The following PINX1 variants were observed in gnomAD, a reference collection of about 807,000 sequenced individuals.
The protein encoded by PINX1 is PIN2 (TERF1) interacting telomerase inhibitor 1.
In PINX1, 34 loss-of-function variants were observed where a neutral mutation model predicts 25.4. That is an observed-to-expected ratio of 1.34 (90% CI 1.02 to 1.78). PINX1 has a LOEUF of 1.78. Ranked by LOEUF, PINX1 falls within the 40% of genes most tolerant of loss-of-function variation. PINX1 has a pLI of 0.00. For missense variants in PINX1, 592 were observed against 404.9 expected (o/e 1.46, Z -3.97); for synonymous variants, 197 against 147.7 (o/e 1.33, Z -2.42).
chr8:10,831,021 A>G (rs774945602), intron 4 of PINX1, among the ~76,000 whole-genome samples: 1 of 152,240 alleles, frequency 6.6e-6, no homozygotes, highest in Non-Finnish European at 1.5e-5. Flanking sequence ...CACTATTCAC[A>G]ACAGCCAAGA....
chr8:10,766,060 A>G (rs997445181), intron 6 of PINX1, 144 bp from the exon 7 acceptor site: 5 of 765,318 alleles, frequency 6.5e-6, no homozygotes, highest in South Asian at 1.7e-5. Context: ...CACTTAGGAG[A>G]CAAGGCTGAG....
At position 10,813,904 on chromosome 8, in the gene PINX1, TG is replaced by T. The variant is rs1450192135; in HGVS notation, c.471+6288del. On this transcript the variant is annotated intron_variant, in intron 6 of 6. Transcript: ENST00000314787. Reference sequence around the variant, plus strand: ...TGGGAAGGTGGGGGAGGGAAAAAAATGAGAGAGGAAAAAAAAAAAGAGTAGC... The same window carrying T: ...TGGGAAGGTGGGGGAGGGAAAAAAATAGAGAGGAAAAAAAAAAAGAGTAGC... 1.7e-3 allele frequency among the ~76,000 whole-genome samples: 229 copies of T among 138,452 alleles called. 4 individuals carry two copies. Among genetic ancestry groups the T allele is most frequent in the Non-Finnish European group, 5.7e-4 (36 of 63,180 alleles). 90.8% of individuals were successfully genotyped at this position (138,452 alleles called of 152,430 possible).
chr8:10,805,431 A>C (rs751286830), intron 6 of PINX1, among the ~76,000 whole-genome samples: 1 of 152,134 alleles, frequency 6.6e-6, no homozygotes, highest in Non-Finnish European at 1.5e-5. Context: ...CTTAACTTGC[A>C]GGAAGAAGCC....
chr8:10,782,227 G>C (rs1192695603), intron 6 of PINX1, among the ~76,000 whole-genome samples: 1 of 151,836 alleles, frequency 6.6e-6, no homozygotes, highest in Non-Finnish European at 1.5e-5. Flanking sequence ...AGGTGTGTAG[G>C]TCCCCACACT....
At chr8:10,826,124 T>C in intron 5 of PINX1, 28 bp downstream of exon 5, 3 of 1,270,738 alleles carry the variant, frequency 2.4e-6, no homozygotes, top group South Asian at 1.3e-5. Context: ...TAGATTTCAA[T>C]AACAAGTAAA....
intron 6 of PINX1, among the ~76,000 whole-genome samples, chr8:10,817,259 T>A (rs529673313): frequency 1.3e-5 from 2 of 152,214 alleles, no homozygotes; most frequent in Non-Finnish European, 2.9e-5. Context: ...GCCTCTGCAA[T>A]GCCAAATATA....
chr8:10,815,743 A>G (rs1164732338), intron 6 of PINX1, among the ~76,000 whole-genome samples: 1 of 152,240 alleles, frequency 6.6e-6, no homozygotes, highest in Non-Finnish European at 1.5e-5. Context: ...TTGTACTTAC[A>G]TATCACTTCA....
intron 1 of PINX1, among the ~76,000 whole-genome samples, chr8:10,837,880 TCCGTAC>T (rs1386038808): frequency 8.5e-5 from 13 of 152,344 alleles, no homozygotes; most frequent in Non-Finnish European, 1.5e-5. Flanking sequence ...TGAGGAGGCC[TCCGTAC>T]TTGAGTCCTT....
At chr8:10,773,714 G>T (rs1373223909) in intron 6 of PINX1, among the ~76,000 whole-genome samples, 1 of 152,128 alleles carries the variant, frequency 6.6e-6, no homozygotes, top group Non-Finnish European at 1.5e-5. Flanking sequence ...ATTAGGAAAA[G>T]CCGACATAAA....
At chr8:10,820,507 G>A (rs755935004) in intron 5 of PINX1, among the ~76,000 whole-genome samples, 1 of 152,156 alleles carries the variant, frequency 6.6e-6, no homozygotes, top group Admixed American at 6.5e-5. Context: ...TCTCTTAATT[G>A]TAGAAACAAC....
intron 2 of PINX1, among the ~76,000 whole-genome samples, chr8:10,834,059 G>T (rs992550844): frequency 1.3e-5 from 2 of 152,236 alleles, no homozygotes. Context: ...TCAAAGTGTG[G>T]CAAGGGAATG....
chr8:10,801,280 T>C (rs73208758), intron 6 of PINX1, among the ~76,000 whole-genome samples: 21,676 of 152,236 alleles, frequency 0.14, 1,861 homozygotes, highest in Non-Finnish European at 0.19. Flanking sequence ...CCCTCCCATA[T>C]GCTAAAGGAG....
At chr8:10,780,205 T>A (rs1302768287) in intron 6 of PINX1, among the ~76,000 whole-genome samples, 1 of 152,344 alleles carries the variant, frequency 6.6e-6, no homozygotes, top group African/African-American at 2.4e-5. Context: ...AGATCTTTTA[T>A]TTCTTTTTCT....
rs1300936090 is a variant in PINX1 at position 10,765,590 on chromosome 8, C to A, written c.798G>T (p.Trp266Cys). Residue 266 changes from tryptophan to cysteine, a missense_variant, in exon 7 of 7, where the codon TGG becomes TGT. By Grantham distance (215) the Trp-to-Cys change is radical. Transcript: ENST00000314787. ...GAGCAGAGGCCTTGGAACTCTGGTC[C>A]CAGCAGGGGCCTCTGAGCTGCTCTT... ...PAEEQLRGPC[W>C]DQSSKASAQD... 1 of 1,613,660 alleles carries A rather than the reference C, an allele frequency of 6.2e-7. No homozygotes were observed. The highest frequency in any genetic ancestry group is 1.1e-5 in the South Asian group (1 of 91,058).
intron 6 of PINX1, among the ~76,000 whole-genome samples, chr8:10,788,255 G>C (rs1375288563): frequency 6.6e-6 from 1 of 152,132 alleles, no homozygotes; most frequent in Non-Finnish European, 1.5e-5. Context: ...TTCTCCATAA[G>C]CAACAGTTTT....
Position 10,816,850 on chromosome 8 carries a change from C to T in PINX1, c.471+3343G>A, listed in dbSNP as rs566962190. 3.3e-5 allele frequency among the ~76,000 whole-genome samples: 5 copies of T among 152,232 alleles called. No individual in the cohort carries two copies. In the East Asian group the frequency reaches 7.7e-4, roughly 24 times the overall value. On this transcript the variant is annotated intron_variant, in intron 6 of 6. Transcript: ENST00000314787. Reference sequence around the variant, plus strand: ...GGACGGACACAGATTTAAAAGCCCACGTGTGCCATTTTGGAGCATTCTAAC... The same window carrying T: ...GGACGGACACAGATTTAAAAGCCCATGTGTGCCATTTTGGAGCATTCTAAC...
In PINX1 at chr8:10,821,704, C is replaced by T. The variant is rs115346570; in HGVS notation, c.395-1435G>A. 3.3e-3 allele frequency among the ~76,000 whole-genome samples: 501 copies of T among 152,310 alleles called. 3 individuals are homozygous for T. The highest frequency in any genetic ancestry group is 0.012 in the African/African-American group (479 of 41,556). On this transcript the variant is annotated intron_variant, in intron 5 of 6. Coordinates refer to ENST00000314787, the MANE Select transcript of PINX1 (RefSeq NM_017884.6). Reference sequence around the variant, plus strand: ...CTTTGCTGCCAGCACAACCCATTTTCCAATGCAAAGCACAGTTTGTACTTC... The same window carrying T: ...CTTTGCTGCCAGCACAACCCATTTTTCAATGCAAAGCACAGTTTGTACTTC...
intron 6 of PINX1, among the ~76,000 whole-genome samples, chr8:10,784,065 A>G (rs531751811): frequency 6.6e-6 from 1 of 152,194 alleles, no homozygotes; most frequent in Non-Finnish European, 1.5e-5. Context: ...CTGACCAATG[A>G]TGATAATGTG....
At chr8:10,775,630 T>C (rs1361467474) in intron 6 of PINX1, among the ~76,000 whole-genome samples, 1 of 152,162 alleles carries the variant, frequency 6.6e-6, no homozygotes, top group Non-Finnish European at 1.5e-5. Flanking sequence ...TGGACCATAA[T>C]TTGAGTGGCA....
Sources: gnomAD v4.1 joint callset for allele counts (sites outside exome capture counted in the v4.1 genomes callset) on GRCh38, gnomAD v4.1.1 for gene constraint, MANE v1.5 for transcripts, NCBI Gene and HGNC (gene_info 2026-07-23, HGNC 2026-07-21) for gene names.